Variants in RIT2 observed in about 807,000 individuals in gnomAD.
RIT2 encodes the protein GTP-binding protein Rit2.
RIT2 carries 24 observed loss-of-function variants against 23.7 expected under a neutral mutation model. The ratio of observed to expected loss-of-function variants is 1.01; its 90% CI spans 0.73 to 1.43. The LOEUF (loss-of-function observed/expected upper bound fraction) is 1.43, where lower values mean the gene tolerates loss of function less well. Ranked by LOEUF, RIT2 falls within the 40% of genes most tolerant of loss-of-function variation. The pLI is 0.00. For synonymous variants in RIT2, 107 were observed against 91.1 expected (o/e 1.17, Z -0.99); for missense variants, 236 against 266.9 (o/e 0.88, Z 0.81).
At chr18:42,866,356 A>C (rs2144056535) in intron 4 of RIT2, among the ~76,000 whole-genome samples, 1 of 152,298 alleles carries the variant, frequency 6.6e-6, no homozygotes, top group African/African-American at 2.4e-5. Flanking sequence ...ATAGTCTCTC[A>C]CAGACAAGTG....
intron 2 of RIT2, among the ~76,000 whole-genome samples, chr18:43,021,234 A>T (rs1010171891): frequency 6.6e-6 from 1 of 152,116 alleles, no homozygotes; most frequent in Non-Finnish European, 1.5e-5. Flanking sequence ...ACTCGAAAGG[A>T]TATTTCTCAA....
intron 1 of RIT2, among the ~76,000 whole-genome samples, chr18:43,061,958 TC>T (rs1264959649): frequency 3.3e-5 from 5 of 151,938 alleles, no homozygotes; most frequent in Non-Finnish European, 7.4e-5. Context: ...TCATTCTCCC[TC>T]CCACTCACCA....
intron 3 of RIT2, among the ~76,000 whole-genome samples, chr18:42,972,595 G>A (rs577802217): frequency 1.3e-5 from 2 of 151,876 alleles, no homozygotes; most frequent in East Asian, 3.9e-4. Flanking sequence ...ATCATTACAT[G>A]TATAGTTAAA....
At chr18:42,870,569 A>G (rs1246653938) in intron 4 of RIT2, among the ~76,000 whole-genome samples, 5 of 152,176 alleles carry the variant, frequency 3.3e-5, no homozygotes, top group Non-Finnish European at 7.3e-5. Context: ...TAATTATAAA[A>G]CAACATTCTC....
chr18:42,998,383 T>C (rs1403785716), intron 2 of RIT2, among the ~76,000 whole-genome samples: 1 of 152,142 alleles, frequency 6.6e-6, no homozygotes, highest in Non-Finnish European at 1.5e-5. Context: ...CTTACTCCCA[T>C]TTTAGTTTTG....
intron 4 of RIT2, among the ~76,000 whole-genome samples, chr18:42,886,268 G>C (rs1228505189): frequency 1.3e-5 from 2 of 152,142 alleles, no homozygotes; most frequent in Non-Finnish European, 2.9e-5. Flanking sequence ...AGAGGAATGA[G>C]TACTTTAAAC....
intron 4 of RIT2, among the ~76,000 whole-genome samples, chr18:42,824,451 T>C (rs1906238880): frequency 6.6e-6 from 1 of 152,060 alleles, no homozygotes; most frequent in Admixed American, 6.6e-5. Flanking sequence ...ATAGCTATTT[T>C]TGACACTCCA....
At chr18:43,029,711 T>C (rs187901849) in intron 2 of RIT2, among the ~76,000 whole-genome samples, 54 of 152,078 alleles carry the variant, frequency 3.6e-4, no homozygotes, top group Admixed American at 1.4e-3. Context: ...GAACAATGCC[T>C]GAAACATAAA....
chr18:43,026,573 T>TA (rs749731254), intron 2 of RIT2, among the ~76,000 whole-genome samples: 1 of 77,360 alleles, frequency 1.3e-5, no homozygotes, highest in Non-Finnish European at 2.8e-5. Context: ...AAGAAATAAA[T>TA]AAGAAAGAAA....
At chr18:43,044,808 GT>G (rs1912208578) in intron 1 of RIT2, among the ~76,000 whole-genome samples, 1 of 152,058 alleles carries the variant, frequency 6.6e-6, no homozygotes, top group African/African-American at 2.4e-5. Context: ...TTCCCTGAGT[GT>G]TTTTCCTTCT....
intron 4 of RIT2, among the ~76,000 whole-genome samples, chr18:42,900,184 A>G (rs942586529): frequency 1.3e-5 from 2 of 152,106 alleles, no homozygotes; most frequent in African/African-American, 4.8e-5. Context: ...TCATTCTACG[A>G]AATTTAATGC....
chr18:42,920,591 A>C (rs1029690806), intron 4 of RIT2: 4 of 699,074 alleles, frequency 5.7e-6, no homozygotes, highest in African/African-American at 1.8e-5. Context: ...ATAAACACAT[A>C]ATACACTAAA....
At chr18:42,914,495 A>T (rs1908851156) in intron 4 of RIT2, among the ~76,000 whole-genome samples, 1 of 152,168 alleles carries the variant, frequency 6.6e-6, no homozygotes, top group Non-Finnish European at 1.5e-5. Context: ...ACTTGGATAT[A>T]ATTCAGTAAA....
At chr18:42,755,985 G>A (rs987126367) in intron 4 of RIT2, among the ~76,000 whole-genome samples, 37 of 151,980 alleles carry the variant, frequency 2.4e-4, no homozygotes, top group African/African-American at 8.5e-4. Flanking sequence ...GTGGGATGCT[G>A]GGGGAATAGG....
At chr18:42,823,694 A>G (rs1452594829) in intron 4 of RIT2, among the ~76,000 whole-genome samples, 1 of 152,180 alleles carries the variant, frequency 6.6e-6, no homozygotes, top group Admixed American at 6.6e-5. Context: ...AATTTATTAT[A>G]CGTCTATTAT....
At chr18:43,014,006 C>T (rs981049148) in intron 2 of RIT2, among the ~76,000 whole-genome samples, 1 of 151,742 alleles carries the variant, frequency 6.6e-6, no homozygotes. Context: ...TTTAAGGCTC[C>T]GCTGCTGGGT....
At chr18:42,837,153 C>CT (rs570701535) in intron 4 of RIT2, among the ~76,000 whole-genome samples, 16,359 of 50,066 alleles carry the variant, frequency 0.33, 4,547 homozygotes, top group Non-Finnish European at 0.43. Flanking sequence ...TTTTCTTTTT[C>CT]TTTTTTTTTT....
chr18:43,043,405 A>T (rs1028032076), intron 1 of RIT2, among the ~76,000 whole-genome samples: 1 of 152,164 alleles, frequency 6.6e-6, no homozygotes, highest in Non-Finnish European at 1.5e-5. Flanking sequence ...CTGAGTAATA[A>T]CACACATGTA....
chr18:42,833,888 T>C (rs1906527931), intron 4 of RIT2, among the ~76,000 whole-genome samples: 1 of 152,160 alleles, frequency 6.6e-6, no homozygotes, highest in Admixed American at 6.5e-5. Context: ...GGGTACACTC[T>C]TCCTGTGGTG....
Sources: gnomAD v4.1 joint callset for allele counts (sites outside exome capture counted in the v4.1 genomes callset) on GRCh38, gnomAD v4.1.1 for gene constraint, MANE v1.5 for transcripts, NCBI Gene and HGNC (gene_info 2026-07-23, HGNC 2026-07-21) for gene names.